Variants in CSNK1G1 observed in about 807,000 individuals in gnomAD.
CSNK1G1 encodes casein kinase 1 gamma 1.
CSNK1G1 carries 22 observed loss-of-function variants against 59.6 expected under a neutral mutation model. That is an observed-to-expected ratio of 0.37 (90% CI 0.26 to 0.53). The LOEUF (loss-of-function observed/expected upper bound fraction) is 0.53. Ranked by LOEUF, CSNK1G1 falls within the 20% of genes least tolerant of loss-of-function variation. CSNK1G1 has a pLI of 0.89. For synonymous variants in CSNK1G1, 179 were observed against 177.1 expected (o/e 1.01, Z -0.08); for missense variants, 384 against 519.5 (o/e 0.74, Z 2.54).
At chr15:64,237,018 C>T (rs2082624800) in intron 4 of CSNK1G1, among the ~76,000 whole-genome samples, 1 of 151,954 alleles carries the variant, frequency 6.6e-6, no homozygotes, top group Non-Finnish European at 1.5e-5. Flanking sequence ...TTAAAACAAA[C>T]CAGGCACAGA....
intron 2 of CSNK1G1, among the ~76,000 whole-genome samples, chr15:64,279,080 TG>T (rs1893975487): frequency 6.6e-6 from 1 of 152,240 alleles, no homozygotes; most frequent in Non-Finnish European, 1.5e-5. Context: ...CTTGCACAAA[TG>T]ATCCACCTTT....
intron 10 of CSNK1G1, among the ~76,000 whole-genome samples, chr15:64,190,449 T>A (rs1456678009): frequency 6.6e-6 from 1 of 152,160 alleles, no homozygotes; most frequent in Admixed American, 6.5e-5. Flanking sequence ...AGTTTCACTC[T>A]TGTTGCCCAG....
intron 1 of CSNK1G1, among the ~76,000 whole-genome samples, chr15:64,333,601 G>T (rs1421630894): frequency 6.6e-6 from 1 of 152,070 alleles, no homozygotes; most frequent in Admixed American, 6.6e-5. Context: ...TATTAATGCT[G>T]AATGTAAATG....
chr15:64,298,797 G>A lies in CSNK1G1; in HGVS notation c.181+1522C>T, dbSNP rs568834341. ...TGTAATCCCAGCACTTTGGGAGGCC[G>A]AGGCGGGTGGATCACTTGAGGCCAG... is the stretch of plus-strand genomic sequence containing the variant. On this transcript the variant is annotated intron_variant, in intron 2 of 11. Coordinates refer to ENST00000303052, the MANE Select transcript of CSNK1G1 (RefSeq NM_022048.5). Among the ~76,000 whole-genome samples, 129 of 151,914 alleles carry A rather than the reference G, an allele frequency of 8.5e-4. 3 individuals are homozygous for A. In the South Asian group the frequency reaches 0.025, roughly 30 times the overall value.
At chr15:64,175,201 C>A (rs1473989169) in intron 11 of CSNK1G1, among the ~76,000 whole-genome samples, 1 of 152,062 alleles carries the variant, frequency 6.6e-6, no homozygotes, top group African/African-American at 2.4e-5. Context: ...TAAATCTGAC[C>A]TCCACAAAAC....
At chr15:64,277,992 TATATTA>T (rs1041792167) in intron 2 of CSNK1G1, among the ~76,000 whole-genome samples, 3 of 144,982 alleles carry the variant, frequency 2.1e-5, no homozygotes, top group Non-Finnish European at 4.5e-5. Flanking sequence ...ATTCGAATAA[TATATTA>T]ATATTGATAT....
intron 1 of CSNK1G1, chr15:64,317,012 G>C (rs1871579174): frequency 6.6e-6 from 1 of 152,292 alleles, no homozygotes; most frequent in South Asian, 2.1e-4. Context: ...TGGTGTCTGA[G>C]GGGTTTTGTC....
chr15:64,268,782 C>T (rs1163024701), intron 2 of CSNK1G1, among the ~76,000 whole-genome samples: 3 of 152,108 alleles, frequency 2.0e-5, no homozygotes, highest in Non-Finnish European at 4.4e-5. Flanking sequence ...CCACCTTGTG[C>T]CCTAAACTGC....
chr15:64,266,157 G>T (rs957351848), intron 2 of CSNK1G1, among the ~76,000 whole-genome samples: 2 of 152,050 alleles, frequency 1.3e-5, no homozygotes, highest in Non-Finnish European at 2.9e-5. Flanking sequence ...CTGCCTACCG[G>T]GTTCAAGCAA....
rs570018761 is a variant in CSNK1G1, at chr15:64,313,751, A to G, written c.-224-13028T>C. 1.9e-3 allele frequency among the ~76,000 whole-genome samples: 286 copies of G among 151,686 alleles called. 1 individual carries two copies. The highest frequency in any genetic ancestry group is 3.6e-3 in the Non-Finnish European group (246 of 67,912). On this transcript the variant is annotated intron_variant, in intron 1 of 11. Coordinates refer to ENST00000303052, the MANE Select transcript of CSNK1G1 (RefSeq NM_022048.5). ...GTACCCCAGAACTTAAAGTATAATA[A>G]TAATTTTTTAAAAGTAAGAAAAAAA...
intron 10 of CSNK1G1, among the ~76,000 whole-genome samples, chr15:64,191,173 T>G (rs2081965451): frequency 6.6e-6 from 1 of 152,178 alleles, no homozygotes; most frequent in Non-Finnish European, 1.5e-5. Context: ...GTCATTCTCC[T>G]GCCTCAGCCT....
chr15:64,199,926 T>C (rs1266265783), intron 10 of CSNK1G1, among the ~76,000 whole-genome samples: 1 of 152,078 alleles, frequency 6.6e-6, no homozygotes, highest in Non-Finnish European at 1.5e-5. Flanking sequence ...AAAAGAATTT[T>C]AAAAAATAAA....
At chr15:64,302,569 T>C (rs964053430) in intron 1 of CSNK1G1, among the ~76,000 whole-genome samples, 3 of 152,216 alleles carry the variant, frequency 2.0e-5, no homozygotes, top group East Asian at 1.9e-4. Context: ...TAAGAATTCA[T>C]ATTTCCTCAT....
At chr15:64,343,236 C>CACACACACACACACA (rs1555405238) in intron 1 of CSNK1G1, among the ~76,000 whole-genome samples, 17 of 150,822 alleles carry the variant, frequency 1.1e-4, no homozygotes, top group South Asian at 2.1e-4. Context: ...CACACACACA[C>CACACACACACACACA]CTCTTCTAAA....
intron 3 of CSNK1G1, among the ~76,000 whole-genome samples, chr15:64,258,043 C>A (rs1230108320): frequency 6.6e-6 from 1 of 152,118 alleles, no homozygotes. Flanking sequence ...ACAAGACAAC[C>A]CTAACTCCTC....
In CSNK1G1 at chr15:64,210,877, C is replaced by T. The variant is rs966379641; in HGVS notation, c.679+3013G>A. Among the ~76,000 whole-genome samples the T allele has an allele frequency of 5.9e-5, 9 of 152,078 alleles. No individual in the cohort carries two copies. The highest frequency in any genetic ancestry group is 7.4e-5 in the Non-Finnish European group (5 of 68,008). On this transcript the variant is annotated intron_variant, in intron 6 of 11. Coordinates refer to ENST00000303052, the MANE Select transcript of CSNK1G1 (RefSeq NM_022048.5). The surrounding 1 kb of genome is among the most constrained non-coding windows in gnomAD (Gnocchi z 4.2). Reference sequence around the variant, plus strand: ...GGTATATCCCTCATTAACTGATTAACGACCTCCCTTAGGGATGAGTTCCCA... The same window carrying T: ...GGTATATCCCTCATTAACTGATTAATGACCTCCCTTAGGGATGAGTTCCCA...
chr15:64,187,214 G>A (rs759897839), intron 10 of CSNK1G1, among the ~76,000 whole-genome samples: 13 of 151,014 alleles, frequency 8.6e-5, no homozygotes, highest in Non-Finnish European at 1.3e-4. Flanking sequence ...GGGGGGGATG[G>A]AGCCTCATTC....
rs2082093266 is a variant in CSNK1G1 at position 64,200,505 on chromosome 15, C to T, written c.1107+2577G>A. On this transcript the variant is annotated intron_variant, in intron 10 of 11. Coordinates refer to ENST00000303052, the MANE Select transcript of CSNK1G1 (RefSeq NM_022048.5). This position sits in a 1 kb window ranked among gnomAD's most constrained non-coding sequence, Gnocchi z 4.3. ...GGATTTGAGGCATGTGCCACCACAC[C>T]CAGCTAATTTTTATATTTTTAGTAG... is the stretch of plus-strand genomic sequence containing the variant. Among the ~76,000 whole-genome samples the T allele has an allele frequency of 6.6e-6, 1 of 151,978 alleles. No homozygotes were observed. The highest frequency in any genetic ancestry group is 6.6e-5 in the Admixed American group (1 of 15,262).
At chr15:64,253,494 C>T (rs532882597) in intron 3 of CSNK1G1, among the ~76,000 whole-genome samples, 4 of 152,234 alleles carry the variant, frequency 2.6e-5, no homozygotes, top group East Asian at 3.9e-4. Flanking sequence ...GGTGCGACCG[C>T]TCTGGAAAAT....
Sources: allele counts gnomAD v4.1 joint callset (sites outside exome capture counted in the v4.1 genomes callset), GRCh38; gene constraint gnomAD v4.1.1; non-coding constraint Gnocchi (gnomAD v3.1); transcripts MANE v1.5; gene names NCBI Gene and HGNC (gene_info 2026-07-23, HGNC 2026-07-21).